SORBS2: variants seen among roughly 807,000 people sequenced by gnomAD.
SORBS2 encodes sorbin and SH3 domain containing 2, also known as sorbin and SH3 domain-containing protein 2.
In SORBS2, 46 loss-of-function variants were observed where a neutral mutation model predicts 97.7. The observed-to-expected ratio is 0.47, with a 90% confidence interval of 0.37 to 0.60. The LOEUF is 0.60. SORBS2 is among the 20% of genes least tolerant of loss of function. SORBS2 has a pLI of 0.00. For synonymous variants in SORBS2, 476 were observed against 473.4 expected (o/e 1.01, Z -0.07); for missense variants, 1,316 against 1,282.3 (o/e 1.03, Z -0.40).
rs1418256004 is a variant in SORBS2 at position 185,649,449 on chromosome 4, TG to T, written c.281+17del. 5.8e-6 allele frequency: 9 copies of T among 1,545,810 alleles called. No homozygotes were observed. Among genetic ancestry groups the T allele is most frequent in the East Asian group, 2.4e-5 (1 of 41,448 alleles). On this transcript the variant is annotated intron_variant, in intron 3 of 14. Transcript: ENST00000418609. ...ATCCTAAGCGAAACATAGGCCACCC[TG>T]GGGGGAAATGCCTTACTTTTCTGTT... is the stretch of plus-strand genomic sequence containing the variant.
At chr4:185,853,741 C>T (rs2099219208) in intron 1 of SORBS2, among the ~76,000 whole-genome samples, 3 of 151,936 alleles carry the variant, frequency 2.0e-5, no homozygotes, top group Admixed American at 2.0e-4. Context: ...AGAAACATGG[C>T]GAGTGTTCCA....
upstream of SORBS2, chr4:185,657,542 C>G (rs556862627): frequency 6.3e-7 from 1 of 1,580,478 alleles, no homozygotes; most frequent in Non-Finnish European, 8.6e-7. Context: ...GGGGATAGAG[C>G]TGCTGGTGGT....
At chr4:185,904,366 A>T (rs1323795634) in intron 1 of SORBS2, among the ~76,000 whole-genome samples, 2 of 152,118 alleles carry the variant, frequency 1.3e-5, no homozygotes, top group Non-Finnish European at 1.5e-5. Context: ...GTCCCACCTT[A>T]CTCCAGGGGT....
intron 1 of SORBS2, among the ~76,000 whole-genome samples, chr4:185,953,270 C>A (rs534425274): frequency 2.0e-5 from 3 of 152,168 alleles, no homozygotes; most frequent in African/African-American, 7.2e-5. Context: ...GCCGAGATTG[C>A]GCCACCGCAC....
exon 15 of SORBS2, chr4:185,587,463 A>G: frequency 6.3e-6 from 4 of 634,128 alleles, no homozygotes; most frequent in Non-Finnish European, 8.5e-6. Flanking sequence ...CCCCAGGCTC[A>G]CAGCAGCGGC....
chr4:185,734,822 AC>A (rs528964011), intron 2 of SORBS2, among the ~76,000 whole-genome samples: 61 of 152,214 alleles, frequency 4.0e-4, no homozygotes, highest in African/African-American at 1.4e-3. Context: ...ACCTGAAACC[AC>A]TCAGGGTGCA....
rs377111728 is a variant in SORBS2 at position 185,751,188 on chromosome 4, A to G, written c.-198+24039T>C. Among the ~76,000 whole-genome samples the G allele has an allele frequency of 8.0e-5, 11 of 138,358 alleles. 1 individual carries two copies. The highest frequency in any genetic ancestry group is 3.9e-4 in the East Asian group (2 of 5,064). The allele number at this position is 138,358 out of a possible 152,430, so 90.8% of individuals were successfully genotyped here. A position where few individuals can be genotyped will look rare whatever the true frequency, so the allele number is the denominator to read the frequency against. On this transcript the variant is annotated intron_variant, in intron 2 of 20. Coordinates refer to the SORBS2 transcript ENST00000284776. ...TCTAAATACTAAAAAAAAAAAAAAA[A>G]AAAGAGAAAGAGAGAGAAATTCAGG...
intron 2 of SORBS2, among the ~76,000 whole-genome samples, chr4:185,718,838 T>A (rs987117221): frequency 1.3e-5 from 2 of 152,144 alleles, no homozygotes; most frequent in African/African-American, 4.8e-5. Flanking sequence ...GTTCCCTTAA[T>A]CTCCACCTTT....
At chr4:185,650,395 GA>G (rs966629924) in intron 2 of SORBS2, among the ~76,000 whole-genome samples, 3 of 151,808 alleles carry the variant, frequency 2.0e-5, no homozygotes, top group African/African-American at 7.3e-5. Flanking sequence ...GGATGGTATA[GA>G]AAAAAAGGCA....
At chr4:185,894,956 C>T (rs1040708169) in intron 1 of SORBS2, among the ~76,000 whole-genome samples, 9 of 152,186 alleles carry the variant, frequency 5.9e-5, no homozygotes, top group Admixed American at 5.9e-4. Context: ...CCTGACACCC[C>T]GGCTGGGCCC....
intron 2 of SORBS2, among the ~76,000 whole-genome samples, chr4:185,733,798 T>C (rs2098662826): frequency 6.6e-6 from 1 of 152,186 alleles, no homozygotes; most frequent in Non-Finnish European, 1.5e-5. Context: ...GCGAGTTCTC[T>C]TGATATCCTT....
At chr4:185,731,671 CCT>C in intron 2 of SORBS2, among the ~76,000 whole-genome samples, 4 of 73,458 alleles carry the variant, frequency 5.4e-5, no homozygotes, top group Admixed American at 1.5e-4. Flanking sequence ...TATCTCTCTC[CCT>C]CCCTCCCTGC....
chr4:185,631,468 A>G (rs1041230927), intron 4 of SORBS2, among the ~76,000 whole-genome samples: 2 of 152,248 alleles, frequency 1.3e-5, no homozygotes, highest in Non-Finnish European at 2.9e-5. Context: ...ATGTCCAGAA[A>G]GCACAGGGAG....
At chr4:185,794,090 A>G (rs1428597719) in intron 1 of SORBS2, among the ~76,000 whole-genome samples, 1 of 152,274 alleles carries the variant, frequency 6.6e-6, no homozygotes, top group African/African-American at 2.4e-5. Context: ...AGAAAAAAAA[A>G]TACTGTTATT....
intron 2 of SORBS2, among the ~76,000 whole-genome samples, chr4:185,687,069 G>T (rs2097978262): frequency 6.6e-6 from 1 of 152,152 alleles, no homozygotes; most frequent in Admixed American, 6.5e-5. Flanking sequence ...TAGAGACAGG[G>T]TCTTGCTCTG....
At chr4:185,927,409 G>T (rs1325566251) in intron 1 of SORBS2, among the ~76,000 whole-genome samples, 1 of 151,844 alleles carries the variant, frequency 6.6e-6, no homozygotes, top group Non-Finnish European at 1.5e-5. Context: ...CATGCATTAG[G>T]TATTTGTCCT....
intron 1 of SORBS2, among the ~76,000 whole-genome samples, chr4:185,842,545 G>C (rs1264767352): frequency 6.6e-6 from 1 of 152,150 alleles, no homozygotes; most frequent in African/African-American, 2.4e-5. Flanking sequence ...CTGGGGCTAA[G>C]GGGCAACTTG....
At position 185,709,304 on chromosome 4, in the gene SORBS2, C is replaced by CTTTTTTTTTTTTTTTTTTTTT. The variant is rs70962587; in HGVS notation, c.-197-30483_-197-30482insAAAAAAAAAAAAAAAAAAAAA. ...GCATGAGCCGCTGTGCTGGCCAAAT[C>CTTTTTTTTTTTTTTTTTTTTT]TTTTTTTTTTTTTTTTTTTTAGTAA... On this transcript the variant is annotated intron_variant, in intron 2 of 20. Coordinates refer to the SORBS2 transcript ENST00000284776. Among the ~76,000 whole-genome samples, 382 of 96,726 alleles carry CTTTTTTTTTTTTTTTTTTTTT rather than the reference C, an allele frequency of 3.9e-3. 35 individuals are homozygous for CTTTTTTTTTTTTTTTTTTTTT. The highest frequency in any genetic ancestry group is 7.2e-3 in the African/African-American group (176 of 24,370). 63.5% of individuals were successfully genotyped at this position (96,726 alleles called of 152,430 possible).
intron 4 of SORBS2, among the ~76,000 whole-genome samples, chr4:185,631,436 TTTGAGGTGACACTGTGGTATGA>T (rs1283651419): frequency 6.6e-6 from 1 of 152,152 alleles, no homozygotes; most frequent in Non-Finnish European, 1.5e-5. Context: ...CTATCAAGTG[TTTGAGGTGACACTGTGGTATGA>T]TGTCCAGAAA....
Sources: allele counts gnomAD v4.1 joint callset (sites outside exome capture counted in the v4.1 genomes callset), GRCh38; gene constraint gnomAD v4.1.1; transcripts MANE v1.5; gene names NCBI Gene and HGNC (gene_info 2026-07-23, HGNC 2026-07-21).